Variants in SRGAP1 observed in about 807,000 individuals in gnomAD.
The protein encoded by SRGAP1 is SLIT-ROBO Rho GTPase-activating protein 1.
A neutral mutation model predicts 121.9 loss-of-function variants in SRGAP1; 43 were observed. That is an observed-to-expected ratio of 0.35 (90% CI 0.28 to 0.46). The LOEUF is 0.46. Ranked by LOEUF, SRGAP1 falls within the 20% of genes least tolerant of loss-of-function variation. The pLI is 1.00. For synonymous variants in SRGAP1, 447 were observed against 485.4 expected (o/e 0.92, Z 1.04); for missense variants, 1,102 against 1,350.9 (o/e 0.82, Z 2.89).
intron 1 of SRGAP1, among the ~76,000 whole-genome samples, chr12:63,936,589 T>C (rs2031669172): frequency 6.6e-6 from 1 of 152,142 alleles, no homozygotes; most frequent in Admixed American, 6.5e-5. Context: ...AGTAGACAAG[T>C]GTAGACAGTA....
In SRGAP1 at chr12:63,858,322, G is replaced by GT. The variant is rs113421124; in HGVS notation, c.67+13449dup. Among the ~76,000 whole-genome samples, 96 of 144,848 alleles carry GT rather than the reference G, an allele frequency of 6.6e-4. 1 individual carries two copies. Among genetic ancestry groups the GT allele is most frequent in the African/African-American group, 1.9e-3 (76 of 39,576 alleles). Reference sequence around the variant, plus strand: ...ACTTTTTAATAATGTCGCTGTCTATGTTTTTTTTTTGGAGGGGAGGGTGGG... The same window carrying GT: ...ACTTTTTAATAATGTCGCTGTCTATGTTTTTTTTTTTGGAGGGGAGGGTGGG... On this transcript the variant is annotated intron_variant, in intron 1 of 21. Transcript: ENST00000355086.
intron 4 of SRGAP1, chr12:64,038,949 G>A (rs773147974): frequency 3.3e-5 from 5 of 152,118 alleles, no homozygotes; most frequent in African/African-American, 1.2e-4. Flanking sequence ...TTTGCAGTAT[G>A]TATTCAAAAT....
intron 3 of SRGAP1, among the ~76,000 whole-genome samples, chr12:63,994,504 T>C (rs183970057): frequency 6.6e-6 from 1 of 152,278 alleles, no homozygotes; most frequent in African/African-American, 2.4e-5. Context: ...TCCAAGTGAA[T>C]GCACAAGCTG....
At chr12:63,881,565 A>G (rs567305080) in intron 1 of SRGAP1, among the ~76,000 whole-genome samples, 2 of 152,296 alleles carry the variant, frequency 1.3e-5, no homozygotes, top group African/African-American at 2.4e-5. Flanking sequence ...TATCTGTAAA[A>G]TGGAAGTAAT....
chr12:63,880,353 T>A (rs534281642), intron 1 of SRGAP1, among the ~76,000 whole-genome samples: 59 of 152,210 alleles, frequency 3.9e-4, no homozygotes, highest in African/African-American at 1.4e-3. Flanking sequence ...TGACTCAGCC[T>A]CCCCAGCAGC....
chr12:63,933,604 T>C (rs1345366174), intron 1 of SRGAP1, among the ~76,000 whole-genome samples: 1 of 152,062 alleles, frequency 6.6e-6, no homozygotes, highest in South Asian at 2.1e-4. Flanking sequence ...ATTTAGAAAA[T>C]ATAGAAAAGA....
chr12:64,028,774 C>G (rs528442961), intron 4 of SRGAP1, among the ~76,000 whole-genome samples: 1 of 152,310 alleles, frequency 6.6e-6, no homozygotes, highest in East Asian at 1.9e-4. Context: ...TATGTCCCCC[C>G]AATCCTGTCA....
At chr12:64,089,978 A>G (rs1477308154) in intron 11 of SRGAP1, among the ~76,000 whole-genome samples, 1 of 152,238 alleles carries the variant, frequency 6.6e-6, no homozygotes, top group Non-Finnish European at 1.5e-5. Context: ...TAAAAAAGAT[A>G]AATTTTCCTA....
rs2037000479 is a variant in SRGAP1, at chr12:64,143,436, A to C, written c.*764A>C. On this transcript the variant is annotated 3_prime_UTR_variant, in exon 22 of 22. Transcript: ENST00000355086. ...TCCAAGTCCCCCCATCTACACTTAC[A>C]AACGATTAGAAGGGTTTAATTTTAA... The C allele has an allele frequency of 6.6e-6, 1 of 152,200 alleles. No individual in the cohort carries two copies. The highest frequency in any genetic ancestry group is 2.4e-5 in the African/African-American group (1 of 41,456). 9.4% of individuals were successfully genotyped at this position (152,200 alleles called of 1,614,324 possible).
At chr12:63,867,483 G>A (rs893103058) in intron 1 of SRGAP1, among the ~76,000 whole-genome samples, 2 of 152,140 alleles carry the variant, frequency 1.3e-5, no homozygotes, top group Admixed American at 6.5e-5. Flanking sequence ...CATTTAAAGA[G>A]TCAACACAGT....
intron 3 of SRGAP1, among the ~76,000 whole-genome samples, chr12:63,990,998 C>T (rs756504766): frequency 9.2e-5 from 14 of 152,208 alleles, no homozygotes; most frequent in Non-Finnish European, 1.6e-4. Flanking sequence ...TTGAAGTTTT[C>T]TAATCGTTGT....
At chr12:63,994,975 A>G (rs933117220) in intron 3 of SRGAP1, among the ~76,000 whole-genome samples, 3 of 152,258 alleles carry the variant, frequency 2.0e-5, no homozygotes, top group Admixed American at 2.0e-4. Context: ...GTTGCAGGAC[A>G]GGCTATCCAG....
rs931275132 is a variant in SRGAP1 at position 64,143,226 on chromosome 12, G to A, written c.*554G>A. 4 of 153,884 alleles carry A rather than the reference G, an allele frequency of 2.6e-5. No individual in the cohort carries two copies. The highest frequency in any genetic ancestry group is 1.3e-4 in the Admixed American group (2 of 15,632). 9.5% of individuals were successfully genotyped at this position (153,884 alleles called of 1,614,324 possible). A position where few individuals can be genotyped will look rare whatever the true frequency, so the allele number is the denominator to read the frequency against. On this transcript the variant is annotated 3_prime_UTR_variant, in exon 22 of 22. Transcript: ENST00000355086. ...CAGTGGGACTGTCAGCCCACAGCTC[G>A]AGTGGGTTGGATGCTTGCCTCTTTC...
intron 1 of SRGAP1, among the ~76,000 whole-genome samples, chr12:63,949,168 ATATTTTTTCCATATATAT>A (rs1282478680): frequency 6.0e-4 from 69 of 114,988 alleles, no homozygotes; most frequent in Non-Finnish European, 1.1e-3. Flanking sequence ...TTCCATATAT[ATATTTTTTCCATATATAT>A]TTTTTTTTCC....
intron 17 of SRGAP1, 86 bp from the exon 18 acceptor site, chr12:64,115,728 T>C: frequency 4.9e-6 from 5 of 1,019,516 alleles, no homozygotes; most frequent in Non-Finnish European, 7.3e-6. Flanking sequence ...ACCACTGCAC[T>C]CCAGCCTAGG....
Position 64,144,014 on chromosome 12 carries a change from C to T in SRGAP1, c.*1342C>T, listed in dbSNP as rs1466234567. On this transcript the variant is annotated 3_prime_UTR_variant, in exon 22 of 22. Coordinates refer to ENST00000355086, the MANE Select transcript of SRGAP1 (RefSeq NM_020762.4). ...TTGGTTTTGGTTTTGTATGTGGGCT[C>T]TATGTAACTCCCATAGTCAGCTGAA... The T allele has an allele frequency of 2.6e-5, 4 of 152,160 alleles. No individual in the cohort carries two copies. Among genetic ancestry groups the T allele is most frequent in the Non-Finnish European group, 5.9e-5 (4 of 68,060 alleles). 9.4% of individuals were successfully genotyped at this position (152,160 alleles called of 1,614,324 possible).
At chr12:63,880,698 C>T (rs1029415060) in intron 1 of SRGAP1, among the ~76,000 whole-genome samples, 3 of 152,124 alleles carry the variant, frequency 2.0e-5, no homozygotes, top group Non-Finnish European at 4.4e-5. Flanking sequence ...CTCCTCCATC[C>T]CCTGTGTTCT....
At chr12:63,982,481 C>T (rs1373933899) in intron 1 of SRGAP1, 1 of 152,208 alleles carries the variant, frequency 6.6e-6, no homozygotes, top group Non-Finnish European at 1.5e-5. Context: ...TTTCCTGACT[C>T]CCCATTCAGA....
rs1260812041 is a variant in SRGAP1 at position 64,152,936 on chromosome 12, A to C, written c.*10264A>C. 6 of 141,858 alleles carry C rather than the reference A, an allele frequency of 4.2e-5. No individual in the cohort carries two copies. The highest frequency in any genetic ancestry group is 2.2e-4 in the East Asian group (1 of 4,484). The allele number at this position is 141,858 out of a possible 1,614,324, so 8.8% of individuals were successfully genotyped here. A position where few individuals can be genotyped will look rare whatever the true frequency, so the allele number is the denominator to read the frequency against. Reference sequence around the variant, plus strand: ...TAAAAAAAAAAAAAAAAAAAAAAAAACCACTACATAAGCCAACAGCTAAAC... The same window carrying C: ...TAAAAAAAAAAAAAAAAAAAAAAAACCCACTACATAAGCCAACAGCTAAAC... On this transcript the variant is annotated 3_prime_UTR_variant, in exon 22 of 22. Transcript: ENST00000355086.
Sources: allele counts gnomAD v4.1 joint callset (sites outside exome capture counted in the v4.1 genomes callset), GRCh38; gene constraint gnomAD v4.1.1; transcripts MANE v1.5; gene names NCBI Gene and HGNC (gene_info 2026-07-23, HGNC 2026-07-21).